UPB1: variants seen among roughly 807,000 people sequenced by gnomAD.
UPB1 encodes beta-ureidopropionase.
Under a neutral mutation model 49.1 loss-of-function variants are expected in UPB1, and 40 were observed. That is an observed-to-expected ratio of 0.81 (90% CI 0.63 to 1.06). UPB1 has a LOEUF of 1.06. Ranked by LOEUF, UPB1 falls within the 50% of genes least tolerant of loss-of-function variation. UPB1 has a pLI of 0.00. For synonymous variants in UPB1, 207 were observed against 198.2 expected (o/e 1.04, Z -0.38); for missense variants, 499 against 505.9 (o/e 0.99, Z 0.13).
intron 6 of UPB1, among the ~76,000 whole-genome samples, chr22:24,517,602 G>T (rs752731983): frequency 7.2e-5 from 11 of 152,142 alleles, no homozygotes; most frequent in Non-Finnish European, 4.4e-5. Flanking sequence ...GGCTTTTATT[G>T]GCTCCAGTTA....
intron 1 of UPB1, among the ~76,000 whole-genome samples, chr22:24,498,600 G>T (rs1457249893): frequency 2.0e-5 from 3 of 152,174 alleles, no homozygotes; most frequent in African/African-American, 7.2e-5. Context: ...ATAAGGAGGT[G>T]GGCAGCCTCA....
In UPB1 at chr22:24,525,783, G is replaced by C. The variant is rs773810336; in HGVS notation, c.1144G>C (p.Val382Leu). The C allele has an allele frequency of 6.2e-7, 1 of 1,614,198 alleles. No individual in the cohort carries two copies. The highest frequency in any genetic ancestry group is 8.5e-7 in the Non-Finnish European group (1 of 1,180,038). ...AVKSNYSPTIVKE is the reference protein window; with the variant it reads ...AVKSNYSPTILKE The stretch of plus-strand genomic sequence containing the variant: ...CAAGTCCAACTACAGCCCCACCATC[G>C]TGAAAGAGTAGCCGGCTTCAGTGCC... Residue 382 changes from valine to leucine, a missense_variant, in exon 10 of 10, where the codon GTG becomes CTG. By Grantham distance (32) the Val-to-Leu change is conservative. Transcript: ENST00000326010.
rs2044005062 is a variant in UPB1 at position 24,502,161 on chromosome 22, A to G, written c.312A>G (p.Val104=). 5 of 1,614,096 alleles carry G rather than the reference A, an allele frequency of 3.1e-6. No homozygotes were observed. In the African/African-American group the frequency reaches 5.3e-5, roughly 17 times the overall value. The part of the protein sequence containing the change: ...SALHRRIKAI[V]EVAAMCGVNI... The stretch of plus-strand genomic sequence containing the variant: ...TTCATAGACGCATAAAGGCTATCGT[A>G]GAGGTGGCTGCAATGTGTGGAGTCA... Residue 104 remains valine (V), a synonymous_variant, in exon 3 of 10, where the codon GTA becomes GTG. Transcript: ENST00000326010.
chr22:24,496,810 C>T (rs1299846609), intron 1 of UPB1, among the ~76,000 whole-genome samples: 1 of 288 alleles, frequency 3.5e-3, no homozygotes, highest in Non-Finnish European at 7.1e-3. Flanking sequence ...TGGGGCAGGA[C>T]AGGAAAGAAG....
At chr22:24,522,769 T>TA (rs1353652421) in intron 8 of UPB1, among the ~76,000 whole-genome samples, 7,538 of 126,284 alleles carry the variant, frequency 0.06, 272 homozygotes, top group African/African-American at 0.11. Flanking sequence ...CAGTCTCTAC[T>TA]AAAAAAAAAA....
chr22:24,500,301 T>A (rs2043970096), intron 2 of UPB1, 23 bp downstream of exon 2: 17 of 1,613,340 alleles, frequency 1.1e-5, no homozygotes, highest in Non-Finnish European at 1.4e-5. Context: ...TTGACCATAA[T>A]AAATACACAA....
At position 24,500,173 on chromosome 22, in the gene UPB1, T is replaced by C. The variant is rs2043966093; in HGVS notation, c.171T>C (p.Tyr57=). ...ASREDFELQG[Y]AFEAAEEQLR... ...GAGAAGACTTTGAACTGCAGGGATA[T>C]GCCTTTGAAGCAGCGGAGGAGCAGC... is the stretch of plus-strand genomic sequence containing the variant. Residue 57 remains tyrosine (Y), a synonymous_variant, in exon 2 of 10, where the codon TAT becomes TAC. Transcript: ENST00000326010. 6.2e-7 allele frequency: 1 copy of C among 1,614,120 alleles called. No homozygotes were observed. Among genetic ancestry groups the C allele is most frequent in the Non-Finnish European group, 8.5e-7 (1 of 1,180,044 alleles).
At chr22:24,516,508 A>G (rs2044295766) in intron 6 of UPB1, 1 of 152,146 alleles carries the variant, frequency 6.6e-6, no homozygotes, top group Admixed American at 6.5e-5. Context: ...TTTTCTCCCC[A>G]ACTCACTTCT....
chr22:24,501,227 C>G (rs1481611242), intron 2 of UPB1, among the ~76,000 whole-genome samples: 1 of 152,140 alleles, frequency 6.6e-6, no homozygotes, highest in Non-Finnish European at 1.5e-5. Context: ...CAGCAAATAT[C>G]CACAAAGCCA....
intron 1 of UPB1, among the ~76,000 whole-genome samples, chr22:24,498,272 A>G (rs1568978189): frequency 6.6e-6 from 1 of 152,198 alleles, no homozygotes; most frequent in Non-Finnish European, 1.5e-5. Context: ...TTTGGGGCAG[A>G]CATAAGCATT....
At chr22:24,501,203 G>A (rs2043989098) in intron 2 of UPB1, among the ~76,000 whole-genome samples, 1 of 152,088 alleles carries the variant, frequency 6.6e-6, no homozygotes, top group South Asian at 2.1e-4. Context: ...GTGTGTTTGC[G>A]GGGCTGATGC....
chr22:24,513,215 TG>T, intron 4 of UPB1, 108 bp from the exon 5 acceptor site: 1 of 1,501,178 alleles, frequency 6.7e-7, no homozygotes, highest in Non-Finnish European at 9.2e-7. Flanking sequence ...CAAATGCAAG[TG>T]GTTGCTCTGA....
At chr22:24,506,240 C>T (rs991158567) in intron 3 of UPB1, among the ~76,000 whole-genome samples, 4 of 151,958 alleles carry the variant, frequency 2.6e-5, no homozygotes, top group Admixed American at 6.5e-5. Context: ...AGGCTGGTCT[C>T]GAATTCCTGA....
intron 8 of UPB1, 58 bp from the exon 9 acceptor site, chr22:24,523,561 G>C: frequency 6.2e-7 from 1 of 1,611,556 alleles, no homozygotes; most frequent in East Asian, 2.2e-5. Flanking sequence ...CTGACCCTCT[G>C]TGGAGCCCAC....
intron 9 of UPB1, among the ~76,000 whole-genome samples, chr22:24,524,898 G>A (rs1421820506): frequency 6.6e-6 from 1 of 152,120 alleles, no homozygotes. Flanking sequence ...CCAGACATGG[G>A]CTTTTGGCCT....
Position 24,522,020 on chromosome 22 carries a change from G to C in UPB1, c.908G>C (p.Gly303Ala). ...HFPNEFTSGDGKKAHQDFGYF... is the reference protein window; with the variant it reads ...HFPNEFTSGDAKKAHQDFGYF... ...CCGAACGAGTTTACCTCGGGAGATGGAAAGAAAGGTATGTCCCATGAACCA... is the reference window on the plus strand; with the variant it reads ...CCGAACGAGTTTACCTCGGGAGATGCAAAGAAAGGTATGTCCCATGAACCA... The change falls in exon 8 of 10, where the codon GGA (glycine) becomes GCA (alanine). Residue 303 changes from glycine to alanine, a missense_variant. Gly to Ala is a moderately conservative substitution (Grantham distance 60). Transcript: ENST00000326010. 6.2e-7 allele frequency: 1 copy of C among 1,614,046 alleles called. No individual in the cohort carries two copies. The highest frequency in any genetic ancestry group is 1.3e-5 in the African/African-American group (1 of 75,048).
intron 4 of UPB1, among the ~76,000 whole-genome samples, chr22:24,511,242 A>T (rs930006002): frequency 2.0e-5 from 3 of 152,198 alleles, no homozygotes; most frequent in African/African-American, 7.2e-5. Flanking sequence ...CCTGTGTCTC[A>T]TCAGCATAGA....
intron 3 of UPB1, chr22:24,502,594 G>A (rs2044014334): frequency 5.3e-6 from 4 of 752,082 alleles, no homozygotes; most frequent in South Asian, 1.4e-5. Flanking sequence ...AAACATCCTG[G>A]TAGTATGTAC....
At chr22:24,513,098 T>C (rs73169839) in intron 4 of UPB1, among the ~76,000 whole-genome samples, 3,733 of 152,178 alleles carry the variant, frequency 0.025, 59 homozygotes, top group Middle Eastern at 0.054. Flanking sequence ...TCCCATATGG[T>C]TTTCCAGAGC....
Sources: allele counts gnomAD v4.1 joint callset (sites outside exome capture counted in the v4.1 genomes callset), GRCh38; gene constraint gnomAD v4.1.1; transcripts MANE v1.5; gene names NCBI Gene and HGNC (gene_info 2026-07-23, HGNC 2026-07-21).